DSC1: variants seen among roughly 807,000 people sequenced by gnomAD.
DSC1 encodes desmocollin-1.
A neutral mutation model predicts 98.8 loss-of-function variants in DSC1; 79 were observed. That is an observed-to-expected ratio of 0.80 (90% CI 0.67 to 0.96). DSC1 has a LOEUF of 0.96. DSC1 is among the 50% of genes least tolerant of loss of function. DSC1 has a pLI of 0.00. For synonymous variants in DSC1, 405 were observed against 372.1 expected, an observed-to-expected ratio of 1.09 and a Z score of -1.02; for missense variants, 1,115 against 1,075.9, an observed-to-expected ratio of 1.04 and a Z score of -0.51.
chr18:31,154,750 G>T, intron 5 of DSC1, 24 bp downstream of exon 5: 2 of 1,557,132 alleles, frequency 1.3e-6, no homozygotes, highest in South Asian at 1.2e-5. Flanking sequence ...ATATAATTAT[G>T]AATAAATATT....
At position 31,159,532 on chromosome 18, in the gene DSC1, C is replaced by CAAAA. The variant is rs35550730; in HGVS notation, c.64-7_64-4dup. The CAAAA allele has an allele frequency of 7.8e-4, 1,102 of 1,404,324 alleles. No homozygotes were observed. The highest frequency in any genetic ancestry group is 1.8e-3 in the East Asian group (71 of 39,492). 87.0% of individuals were successfully genotyped at this position (1,404,324 alleles called of 1,614,324 possible). A position where few individuals can be genotyped will look rare whatever the true frequency, so the allele number is the denominator to read the frequency against. On this transcript the variant is annotated splice_region_variant and splice_polypyrimidine_tract_variant and intron_variant, in intron 1 of 15. Transcript: ENST00000257198. ...GCATCGCAAAGTAATGTTAAAACCT[C>CAAAA]AAAAAAAAAAAAAGAAAAAATATCA...
At chr18:31,156,448 T>A (rs1341509218) in intron 3 of DSC1, among the ~76,000 whole-genome samples, 2 of 152,174 alleles carry the variant, frequency 1.3e-5, no homozygotes, top group Non-Finnish European at 2.9e-5. Flanking sequence ...AAATAGATAA[T>A]TCATTAATAA....
chr18:31,159,554 A>G, intron 1 of DSC1, 25 bp from the exon 2 acceptor site: 2 of 1,552,320 alleles, frequency 1.3e-6, no homozygotes, highest in Non-Finnish European at 1.7e-6. Context: ...AAGAAAAAAT[A>G]TCAGGAATTA....
chr18:31,134,421 T>C (rs2243907), intron 12 of DSC1, 151 bp downstream of exon 12: 113,193 of 789,864 alleles, frequency 0.14, 11,384 homozygotes, highest in East Asian at 0.5. Flanking sequence ...ACAATGGCAC[T>C]AATTTTTTTT....
At chr18:31,143,177 G>A (rs1190037423) in intron 8 of DSC1, among the ~76,000 whole-genome samples, 11 of 151,232 alleles carry the variant, frequency 7.3e-5, no homozygotes, top group Admixed American at 1.3e-4. Flanking sequence ...ATTGTTTACC[G>A]CCTAAGGAAA....
chr18:31,159,372 C>A, intron 2 of DSC1, 73 bp downstream of exon 2: 1 of 1,524,094 alleles, frequency 6.6e-7, no homozygotes, highest in East Asian at 2.3e-5. Flanking sequence ...GTTTTTATCC[C>A]AAACTTTACA....
rs140152065 is a variant in DSC1 at position 31,139,857 on chromosome 18, A to T, written c.1554T>A (p.Phe518Leu). ...AGTCGCCAGTGTGTTGATTAATTTC[A>T]AACCAGTTATCTTCATCCCCTAACT... ...YQKLGDEDNW[F>L]EINQHTGDLR... Residue 518 changes from phenylalanine to leucine, a missense_variant, in exon 11 of 16, where the codon TTT (phenylalanine) becomes TTA (leucine). Transcript: ENST00000257198. 1 of 1,610,046 alleles carries T rather than the reference A, an allele frequency of 6.2e-7. No homozygotes were observed. The highest frequency in any genetic ancestry group is 8.5e-7 in the Non-Finnish European group (1 of 1,178,988).
intron 1 of DSC1, among the ~76,000 whole-genome samples, chr18:31,161,459 A>G (rs1380533086): frequency 3.9e-5 from 6 of 152,022 alleles, no homozygotes; most frequent in Admixed American, 3.9e-4. Flanking sequence ...TTGTCCTAGG[A>G]TTCCATGTTG....
Position 31,140,072 on chromosome 18 carries a change from T to C in DSC1, c.1490A>G (p.Asp497Gly). 6.2e-7 allele frequency: 1 copy of C among 1,613,992 alleles called. No homozygotes were observed. The highest frequency in any genetic ancestry group is 8.5e-7 in the Non-Finnish European group (1 of 1,179,916). ...GCCTTCACCACTGGATATTTCCGGG[T>C]CCAGTGCTTTGTATCCAAGGAGTTC... Reference protein sequence around the residue: ...GQELLGYKALDPEISSGEGLR... With the variant: ...GQELLGYKALGPEISSGEGLR... The change falls in exon 10 of 16, where the codon GAC (aspartate) becomes GGC (glycine). Residue 497 changes from aspartate (D) to glycine (G), a missense_variant. Asp to Gly is a moderately conservative substitution (Grantham distance 94). Coordinates refer to ENST00000257198, the MANE Select transcript of DSC1 (RefSeq NM_024421.2).
chr18:31,161,916 G>A (rs1989216638), intron 1 of DSC1, among the ~76,000 whole-genome samples: 1 of 152,118 alleles, frequency 6.6e-6, no homozygotes, highest in Non-Finnish European at 1.5e-5. Context: ...GGACGGATGT[G>A]TGAAATAACC....
At chr18:31,151,284 A>C (rs969945472) in intron 5 of DSC1, among the ~76,000 whole-genome samples, 1 of 152,200 alleles carries the variant, frequency 6.6e-6, no homozygotes, top group South Asian at 2.1e-4. Flanking sequence ...CTAATAATGA[A>C]CCAAGTATCT....
intron 5 of DSC1, among the ~76,000 whole-genome samples, chr18:31,150,350 ACCAC>A (rs1378295509): frequency 1.2e-4 from 12 of 98,786 alleles, no homozygotes; most frequent in East Asian, 5.1e-4. Flanking sequence ...CATCACCACC[ACCAC>A]CACCATCATC....
At position 31,134,725 on chromosome 18, in the gene DSC1, G is replaced by A. The variant is rs1003444769; in HGVS notation, c.1723C>T (p.Pro575Ser). ...VHLDDYNDHA[P>S]QIDKEVTICQ... ...ATGGTCACTTCTTTGTCAATTTGAG[G>A]TGCGTGATCGTTGTAATCATCCAAA... is the stretch of plus-strand genomic sequence containing the variant. Residue 575 changes from proline to serine, a missense_variant, in exon 12 of 16, where the codon CCT (proline) becomes TCT (serine). Coordinates refer to ENST00000257198, the MANE Select transcript of DSC1 (RefSeq NM_024421.2). The A allele has an allele frequency of 6.2e-6, 10 of 1,613,082 alleles. No individual in the cohort carries two copies. In the African/African-American group the frequency reaches 1.1e-4, roughly 17 times the overall value.
chr18:31,159,592 GC>G (rs1192711255), intron 1 of DSC1, 63 bp from the exon 2 acceptor site: 4 of 1,420,712 alleles, frequency 2.8e-6, no homozygotes, highest in Non-Finnish European at 3.8e-6. Flanking sequence ...TCACATTGTA[GC>G]TTTTTCTTAT....
chr18:31,150,433 A>G (rs1471603030), intron 5 of DSC1, among the ~76,000 whole-genome samples: 1 of 150,954 alleles, frequency 6.6e-6, no homozygotes, highest in Non-Finnish European at 1.5e-5. Flanking sequence ...TACCACTATT[A>G]CCATCACCAC....
intron 5 of DSC1, among the ~76,000 whole-genome samples, chr18:31,149,776 T>C (rs1422551770): frequency 1.3e-5 from 2 of 152,192 alleles, no homozygotes; most frequent in African/African-American, 4.8e-5. Context: ...CGTGCTAACC[T>C]GGAAAGGAAA....
chr18:31,156,251 T>C (rs1004782798), intron 3 of DSC1, 89 bp from the exon 4 acceptor site: 1 of 1,496,884 alleles, frequency 6.7e-7, no homozygotes, highest in Admixed American at 2.0e-5. Context: ...CAAGCAGATG[T>C]AAGGGTTACA....
chr18:31,148,680 C>G, intron 5 of DSC1, 38 bp from the exon 6 acceptor site: 2 of 1,492,894 alleles, frequency 1.3e-6, no homozygotes, highest in Non-Finnish European at 1.8e-6. Flanking sequence ...TATTCTCAAA[C>G]CACAAATTAT....
At chr18:31,135,095 A>T (rs1363960078) in intron 11 of DSC1, among the ~76,000 whole-genome samples, 1 of 152,154 alleles carries the variant, frequency 6.6e-6, no homozygotes, top group East Asian at 1.9e-4. Context: ...TATGAAGCGC[A>T]TATATTCATC....
Sources: gnomAD v4.1 joint callset for allele counts (sites outside exome capture counted in the v4.1 genomes callset) on GRCh38, gnomAD v4.1.1 for gene constraint, MANE v1.5 for transcripts, NCBI Gene and HGNC (gene_info 2026-07-23, HGNC 2026-07-21) for gene names.